Variants in VPS35L observed in about 807,000 individuals in gnomAD.
VPS35L encodes VPS35 endosomal protein-sorting factor-like.
A neutral mutation model predicts 133.0 loss-of-function variants in VPS35L; 83 were observed. That is an observed-to-expected ratio of 0.62 (90% confidence interval 0.52 to 0.75). VPS35L has a LOEUF of 0.75. VPS35L is among the 30% of genes least tolerant of loss of function. The pLI is 0.00. For synonymous variants in VPS35L, 423 were observed against 449.9 expected (o/e 0.94, Z 0.76); for missense variants, 1,083 against 1,206.8 (o/e 0.90, Z 1.52).
At chr16:19,656,061 A>C (rs553276402) in intron 26 of VPS35L, among the ~76,000 whole-genome samples, 2 of 151,896 alleles carry the variant, frequency 1.3e-5, no homozygotes, top group Non-Finnish European at 2.9e-5. Context: ...TCAGGAGTTC[A>C]AGACCAGCCT....
At chr16:19,561,066 C>T (rs1487442939) in intron 1 of VPS35L, among the ~76,000 whole-genome samples, 1 of 151,588 alleles carries the variant, frequency 6.6e-6, no homozygotes, top group East Asian at 1.9e-4. Context: ...AGGGATTTTC[C>T]CTTAAAAAAA....
rs1404645595 is a variant in VPS35L at position 19,640,949 on chromosome 16, T to C, written c.1784+849T>C. On this transcript the variant is annotated intron_variant, in intron 21 of 30. Transcript: ENST00000417362. ...TTTTTGTAGAGATGAGGTCTCTCTA[T>C]GTTGCCCAGGCTGGTCTTCATCTCC... Among the ~76,000 whole-genome samples the C allele has an allele frequency of 3.9e-5, 6 of 152,234 alleles. No homozygotes were observed. The East Asian group carries it at 1.2e-3, about 29-fold the overall frequency.
At chr16:19,570,877 A>AT (rs1567388802) in intron 3 of VPS35L, among the ~76,000 whole-genome samples, 2 of 53,706 alleles carry the variant, frequency 3.7e-5, no homozygotes, top group African/African-American at 1.9e-4. Context: ...ATATATATAT[A>AT]TATATATATA....
At chr16:19,586,268 G>C (rs8058161) in intron 7 of VPS35L, among the ~76,000 whole-genome samples, 13,635 of 152,100 alleles carry the variant, frequency 0.09, 1,506 homozygotes, top group African/African-American at 0.27. Flanking sequence ...CTACTCTGTG[G>C]CTTGTCTTTT....
At chr16:19,557,466 A>C (rs944160138) in intron 1 of VPS35L, among the ~76,000 whole-genome samples, 2 of 151,916 alleles carry the variant, frequency 1.3e-5, no homozygotes, top group African/African-American at 4.8e-5. Flanking sequence ...GCTCACCGCA[A>C]CCTCCGCCTC....
chr16:19,609,027 G>T lies in VPS35L; in HGVS notation c.929+6G>T. The T allele has an allele frequency of 3.7e-6, 6 of 1,612,678 alleles. No individual in the cohort carries two copies. Among genetic ancestry groups the T allele is most frequent in the South Asian group, 1.1e-5 (1 of 91,046 alleles). On this transcript the variant is annotated splice_donor_region_variant and intron_variant, in intron 11 of 30. Transcript: ENST00000417362. ...AACAAATTCCTCTCCAAAACGTAAG[G>T]CTCTTCGGTAAAATCTAGAACCATA...
chr16:19,633,146 C>T lies in VPS35L; in HGVS notation c.1609C>T (p.Arg537Cys), dbSNP rs1436699678. ...TGTCATCAAGCACATGACTCCAGAT[C>T]GTGCATTTGAAGATTCCTACCCCCA... ...ADVIKHMTPD[R>C]AFEDSYPQLQ... Residue 537 changes from arginine to cysteine, a missense_variant, in exon 19 of 31, where the codon CGT becomes TGT. Coordinates refer to ENST00000417362, the MANE Select transcript of VPS35L (RefSeq NM_020314.7). This position sits in a 1 kb window ranked among gnomAD's most constrained non-coding sequence, Gnocchi z 4.1. The T allele has an allele frequency of 6.8e-6, 11 of 1,613,996 alleles. No individual in the cohort carries two copies. The highest frequency in any genetic ancestry group is 4.0e-5 in the African/African-American group (3 of 74,916).
intron 1 of VPS35L, among the ~76,000 whole-genome samples, chr16:19,558,918 G>A (rs565413572): frequency 8.1e-5 from 8 of 98,160 alleles, no homozygotes; most frequent in Admixed American, 4.0e-4. Context: ...GTGAGACTCC[G>A]TCTCAAAAAA....
intron 2 of VPS35L, among the ~76,000 whole-genome samples, 197 bp downstream of exon 2, chr16:19,565,147 G>T (rs559161454): frequency 6.6e-6 from 1 of 151,660 alleles, no homozygotes; most frequent in South Asian, 2.1e-4. Context: ...CTGCCTCCTG[G>T]GTTTAAGCGA....
At position 19,608,280 on chromosome 16, in the gene VPS35L, C is replaced by CTTT. The variant is rs11291600; in HGVS notation, c.881+18_881+20dup. ...AGGGAACTCATTCCAAGATTGTATC[C>CTTT]TTTTTTTTTTTTTTGGTCTGATGAT... is the stretch of plus-strand genomic sequence containing the variant. On this transcript the variant is annotated splice_region_variant and intron_variant, in intron 10 of 30. Coordinates refer to ENST00000417362, the MANE Select transcript of VPS35L (RefSeq NM_020314.7). 986 of 1,386,410 alleles carry CTTT rather than the reference C, an allele frequency of 7.1e-4. No individual in the cohort carries two copies. Among genetic ancestry groups the CTTT allele is most frequent in the African/African-American group, 3.3e-3 (217 of 66,690 alleles). The allele number at this position is 1,386,410 out of a possible 1,614,324, so 85.9% of individuals were successfully genotyped here. A position where few individuals can be genotyped will look rare whatever the true frequency, so the allele number is the denominator to read the frequency against.
rs1370710774 is a variant in VPS35L, at chr16:19,581,578, AGAG to A, written c.568_570del (p.Glu190del). 6.2e-7 allele frequency: 1 copy of A among 1,614,132 alleles called. No homozygotes were observed. Among genetic ancestry groups the A allele is most frequent in the East Asian group, 2.2e-5 (1 of 44,878 alleles). On this transcript the variant is annotated inframe_deletion, in exon 7 of 31. Transcript: ENST00000417362. ...CTCAGCAGGATTACGTGAACCGCAT[AGAG>A]GAGCTCAACCAATCGCTGAAGGATG...
chr16:19,609,908 C>G (rs892672429), intron 11 of VPS35L, among the ~76,000 whole-genome samples: 1 of 152,036 alleles, frequency 6.6e-6, no homozygotes. Flanking sequence ...ATGTCAGATG[C>G]CAGCCTGAGA....
intron 27 of VPS35L, among the ~76,000 whole-genome samples, chr16:19,671,228 G>T (rs1323422857): frequency 6.6e-6 from 1 of 152,230 alleles, no homozygotes; most frequent in African/African-American, 2.4e-5. Flanking sequence ...CAGCACTTTG[G>T]GAGGCGGAGG....
chr16:19,566,816 C>T (rs572786418), intron 2 of VPS35L, among the ~76,000 whole-genome samples: 93 of 151,742 alleles, frequency 6.1e-4, no homozygotes, highest in African/African-American at 2.1e-3. Context: ...ATGGCACAAT[C>T]TCAACTCAGT....
chr16:19,570,026 CTTTTTGTT>C lies in VPS35L; in HGVS notation c.285+445_285+452del, dbSNP rs556843012. 2.2e-4 allele frequency among the ~76,000 whole-genome samples: 34 copies of C among 151,876 alleles called. No homozygotes were observed. The East Asian group carries it at 6.0e-3, about 27-fold the overall frequency. ...AGAGGCTGGTGTAGCTCTGTGAAGT[CTTTTTGTT>C]TTTTTGTTTGAAAGCATTTTAAAAT... On this transcript the variant is annotated intron_variant, in intron 3 of 30. Coordinates refer to ENST00000417362, the MANE Select transcript of VPS35L (RefSeq NM_020314.7).
rs114763487 is a variant in VPS35L, at chr16:19,578,254, C to T, written c.434-798C>T. ...CAGGCTTACAAAAAGAGTTCTGCAG[C>T]TCGACCCTAAGTCCACATTTCTTTC... On this transcript the variant is annotated intron_variant, in intron 5 of 30. Transcript: ENST00000417362. 7.2e-3 allele frequency: 3,230 copies of T among 448,486 alleles called. 105 individuals carry two copies. Among genetic ancestry groups the T allele is most frequent in the African/African-American group, 0.061 (3,005 of 49,404 alleles). 27.8% of individuals were successfully genotyped at this position (448,486 alleles called of 1,614,324 possible).
chr16:19,612,239 TTTTTG>T (rs144188667), intron 12 of VPS35L, among the ~76,000 whole-genome samples: 5 of 149,046 alleles, frequency 3.4e-5, no homozygotes, highest in Admixed American at 6.7e-5. Context: ...ACCCGGCCTT[TTTTTG>T]TTTTGTTTTG....
chr16:19,653,125 A>C lies in VPS35L; in HGVS notation c.2221+1035A>C, dbSNP rs925110302. ...GACAGGTGATTTTCCCTTTATTCTC[A>C]TCTGTCATTGACAGAGTGCTGCTTC... is the stretch of plus-strand genomic sequence containing the variant. On this transcript the variant is annotated intron_variant, in intron 26 of 30. Transcript: ENST00000417362. Among the ~76,000 whole-genome samples, 2 of 152,122 alleles carry C rather than the reference A, an allele frequency of 1.3e-5. 1 individual carries two copies. The highest frequency in any genetic ancestry group is 4.1e-4 in the South Asian group (2 of 4,824).
intron 27 of VPS35L, among the ~76,000 whole-genome samples, chr16:19,672,553 A>AT (rs879344261): frequency 7.2e-5 from 11 of 152,192 alleles, no homozygotes; most frequent in Non-Finnish European, 8.8e-5. Context: ...CCCTGTTCAG[A>AT]TTCCAAGTCT....
Sources: gnomAD v4.1 joint callset for allele counts (sites outside exome capture counted in the v4.1 genomes callset) on GRCh38, gnomAD v4.1.1 for gene constraint, Gnocchi (gnomAD v3.1) non-coding constraint, MANE v1.5 for transcripts, NCBI Gene and HGNC (gene_info 2026-07-23, HGNC 2026-07-21) for gene names.